BRWD1: variants seen among roughly 807,000 people sequenced by gnomAD.
The protein encoded by BRWD1 is bromodomain and WD repeat domain containing 1.
Under a neutral mutation model 251.2 loss-of-function variants are expected in BRWD1, and 82 were observed. The ratio of observed to expected loss-of-function variants is 0.33; its 90% CI spans 0.27 to 0.39. The LOEUF (loss-of-function observed/expected upper bound fraction) is 0.39, where lower values mean the gene tolerates loss of function less well. Among genes scored for constraint, BRWD1 ranks in the 10% least tolerant of loss-of-function variants. The probability of loss-of-function intolerance (pLI) is 1.00; values close to 1 mark genes in which losing one functional copy is unlikely to be tolerated. For missense variants in BRWD1, 2,233 were observed against 2,711.6 expected (o/e 0.82, Z 3.92); for synonymous variants, 918 against 902.8 (o/e 1.02, Z -0.30).
chr21:39,263,585 C>CA (rs2034824834), intron 17 of BRWD1, among the ~76,000 whole-genome samples: 1 of 152,120 alleles, frequency 6.6e-6, no homozygotes, highest in Non-Finnish European at 1.5e-5. Context: ...GAGCAATAGA[C>CA]AGTCATATGC....
At chr21:39,253,444 T>C (rs1601391919) in intron 19 of BRWD1, among the ~76,000 whole-genome samples, 2 of 152,194 alleles carry the variant, frequency 1.3e-5, no homozygotes, top group Admixed American at 6.5e-5. Flanking sequence ...TGCTTGTGTT[T>C]TAAGAAACTA....
intron 4 of BRWD1, among the ~76,000 whole-genome samples, chr21:39,304,141 C>CAAAAAAAAAAAAAAAAAA (rs56990201): frequency 1.7e-5 from 2 of 118,382 alleles, no homozygotes; most frequent in Non-Finnish European, 1.7e-5. Context: ...AACTCTTTCT[C>CAAAAAAAAAAAAAAAAAA]AAAAAAAAAA....
At position 39,189,253 on chromosome 21, in the gene BRWD1, A is replaced by C; in HGVS notation, c.*7006T>G. On this transcript the variant is annotated 3_prime_UTR_variant, in exon 41 of 41. Coordinates refer to ENST00000342449, the MANE Select transcript of BRWD1 (RefSeq NM_033656.4). ...CTGCACCATTTGCATTTGGAAGAAA[A>C]GAACAGATAACTGGTTCATTCCCAA... The C allele has an allele frequency of 1.4e-5, 14 of 984,896 alleles. No individual in the cohort carries two copies. The highest frequency in any genetic ancestry group is 1.7e-5 in the Non-Finnish European group (14 of 829,432). The allele number at this position is 984,896 out of a possible 1,614,324, so 61.0% of individuals were successfully genotyped here. A position where few individuals can be genotyped will look rare whatever the true frequency, so the allele number is the denominator to read the frequency against.
chr21:39,262,760 A>G (rs1418174017), intron 17 of BRWD1, among the ~76,000 whole-genome samples: 1 of 152,166 alleles, frequency 6.6e-6, no homozygotes, highest in Non-Finnish European at 1.5e-5. Context: ...GGACAAAATT[A>G]AAGTGACAGA....
At chr21:39,258,763 G>T in intron 17 of BRWD1, 91 bp from the exon 18 acceptor site, 1 of 829,658 alleles carries the variant, frequency 1.2e-6, no homozygotes, top group Non-Finnish European at 1.7e-6. Context: ...CATTAACAAT[G>T]GTCAGAATTT....
intron 29 of BRWD1, among the ~76,000 whole-genome samples, chr21:39,223,217 T>G (rs1480666278): frequency 6.6e-6 from 1 of 152,190 alleles, no homozygotes; most frequent in Admixed American, 6.5e-5. Flanking sequence ...GCTAGCTGTA[T>G]AAGAAGGGAA....
intron 28 of BRWD1, 29 bp from the exon 29 acceptor site, chr21:39,224,498 G>A: frequency 6.6e-7 from 1 of 1,524,440 alleles, no homozygotes; most frequent in Non-Finnish European, 8.9e-7. Context: ...TCTCTGGTTA[G>A]CCTTTCATAA....
intron 5 of BRWD1, chr21:39,297,091 C>A: frequency 1.0e-6 from 1 of 985,334 alleles, no homozygotes. Flanking sequence ...CAAAGTCCAT[C>A]CCTCCTTGAC....
intron 29 of BRWD1, among the ~76,000 whole-genome samples, chr21:39,223,669 C>T (rs568735533): frequency 6.6e-6 from 1 of 152,272 alleles, no homozygotes; most frequent in South Asian, 2.1e-4. Flanking sequence ...GGGATGCTAG[C>T]ACTGGAGGAC....
chr21:39,210,775 T>A lies in BRWD1; in HGVS notation c.4044+11A>T. On this transcript the variant is annotated intron_variant, in intron 35 of 40. Transcript: ENST00000342449. ...AGAAAAGCCCCAAACATTTAAACAA[T>A]GGAAACTTACTGGATATTCAACCAA... is the stretch of plus-strand genomic sequence containing the variant. 1 of 1,597,646 alleles carries A rather than the reference T, an allele frequency of 6.3e-7. No individual in the cohort carries two copies. The highest frequency in any genetic ancestry group is 8.5e-7 in the Non-Finnish European group (1 of 1,174,932).
intron 17 of BRWD1, 93 bp downstream of exon 17, chr21:39,264,367 T>C (rs567389605): frequency 8.8e-5 from 67 of 758,960 alleles, no homozygotes; most frequent in Middle Eastern, 4.0e-4. Context: ...ATATTAATAA[T>C]TGGGGATCTA....
At chr21:39,198,624 CAG>C (rs2031942803) in intron 40 of BRWD1, 137 bp downstream of exon 40, 3 of 663,362 alleles carry the variant, frequency 4.5e-6, no homozygotes, top group Admixed American at 3.1e-5. Flanking sequence ...AAGGCTAACA[CAG>C]AATGCATGGG....
In BRWD1 at chr21:39,198,960, A is replaced by T. The variant is rs746821854; in HGVS notation, c.5456T>A (p.Leu1819Gln). Residue 1819 changes from leucine (L) to glutamine (Q), a missense_variant, in exon 40 of 41, where the codon CTG becomes CAG. Physicochemically the swap from Leu to Gln is moderately radical, Grantham distance 113 (BLOSUM62 -2). Coordinates refer to ENST00000342449, the MANE Select transcript of BRWD1 (RefSeq NM_033656.4). ...AGATTCAGAGTCTTCTGAGTCACTC[A>T]GAATCTTGGTTTTTTTAAAGAAACT... ...NASFFKKTKI[L>Q]SDSEDSESEE... The T allele has an allele frequency of 2.0e-5, 33 of 1,613,892 alleles. No homozygotes were observed. The highest frequency in any genetic ancestry group is 2.7e-5 in the Non-Finnish European group (32 of 1,179,990).
intron 4 of BRWD1, among the ~76,000 whole-genome samples, chr21:39,302,731 G>C (rs2036158979): frequency 7.2e-6 from 1 of 138,428 alleles, no homozygotes; most frequent in East Asian, 2.1e-4. Context: ...CTCACTCCTA[G>C]GTGACAGAGT....
At chr21:39,273,751 A>G (rs1246048139) in intron 13 of BRWD1, among the ~76,000 whole-genome samples, 1 of 152,112 alleles carries the variant, frequency 6.6e-6, no homozygotes, top group Non-Finnish European at 1.5e-5. Context: ...GAGACCCTAA[A>G]CCATTTTTTT....
chr21:39,283,570 G>T (rs868120578), intron 8 of BRWD1, among the ~76,000 whole-genome samples: 2 of 152,060 alleles, frequency 1.3e-5, no homozygotes, highest in East Asian at 3.9e-4. Flanking sequence ...TAAGACATGG[G>T]TCCTATATAT....
At chr21:39,218,092 C>T (rs1488751856) in intron 31 of BRWD1, 60 bp downstream of exon 31, 2 of 1,501,008 alleles carry the variant, frequency 1.3e-6, no homozygotes, top group Non-Finnish European at 1.8e-6. Flanking sequence ...TCTTTGTTTA[C>T]CCTAGTCAAT....
upstream of BRWD1, among the ~76,000 whole-genome samples, chr21:39,317,722 G>C (rs1179978161): frequency 6.6e-6 from 1 of 152,212 alleles, no homozygotes; most frequent in Non-Finnish European, 1.5e-5. Context: ...ATTTACCGCA[G>C]GCAACTCTTA....
At position 39,312,829 on chromosome 21, in the gene BRWD1, C is replaced by T. The variant is rs749792765; in HGVS notation, c.198+12G>A. Reference sequence around the variant, plus strand: ...ACGGAAAACCCGGGGAGCAAACGTGCCCAATGCTCACCAACTCCTCGTAGC... The same window carrying T: ...ACGGAAAACCCGGGGAGCAAACGTGTCCAATGCTCACCAACTCCTCGTAGC... On this transcript the variant is annotated intron_variant, in intron 4 of 40. Coordinates refer to ENST00000342449, the MANE Select transcript of BRWD1 (RefSeq NM_033656.4). The T allele has an allele frequency of 2.1e-5, 33 of 1,592,280 alleles. 1 individual carries two copies. Among genetic ancestry groups the T allele is most frequent in the Middle Eastern group, 4.6e-4 (2 of 4,374 alleles).
Sources: allele counts gnomAD v4.1 joint callset (sites outside exome capture counted in the v4.1 genomes callset), GRCh38; gene constraint gnomAD v4.1.1; transcripts MANE v1.5; gene names NCBI Gene and HGNC (gene_info 2026-07-23, HGNC 2026-07-21).